NKAIN2: variants seen among roughly 807,000 people sequenced by gnomAD.
The protein encoded by NKAIN2 is sodium/potassium-transporting ATPase subunit beta-1-interacting protein 2.
NKAIN2 carries 14 observed loss-of-function variants against 32.6 expected under a neutral mutation model. The observed-to-expected ratio is 0.43, with a 90% CI of 0.28 to 0.67. The LOEUF is 0.67. Among genes scored for constraint, NKAIN2 ranks in the 30% least tolerant of loss-of-function variants. The pLI is 0.17. For synonymous variants in NKAIN2, 80 were observed against 87.2 expected (o/e 0.92, Z 0.46); for missense variants, 198 against 258.3 (o/e 0.77, Z 1.60).
intron 3 of NKAIN2, among the ~76,000 whole-genome samples, chr6:124,601,766 G>A (rs1782315849): frequency 6.6e-6 from 1 of 151,958 alleles, no homozygotes; most frequent in South Asian, 2.1e-4. Flanking sequence ...GAAAAATGAA[G>A]AAATTCCAGT....
chr6:123,979,213 T>C (rs1778781341), intron 1 of NKAIN2, among the ~76,000 whole-genome samples: 2 of 152,172 alleles, frequency 1.3e-5, no homozygotes, highest in Admixed American at 6.5e-5. Flanking sequence ...TATATAATTT[T>C]TAAAGAAATA....
At chr6:124,703,286 C>A (rs190247293) in intron 4 of NKAIN2, among the ~76,000 whole-genome samples, 1 of 151,124 alleles carries the variant, frequency 6.6e-6, no homozygotes, top group African/African-American at 2.4e-5. Context: ...AAAAAAACAA[C>A]AAAAAAACAA....
chr6:124,135,081 A>G (rs1199331486), intron 1 of NKAIN2, among the ~76,000 whole-genome samples: 1 of 152,152 alleles, frequency 6.6e-6, no homozygotes, highest in Non-Finnish European at 1.5e-5. Context: ...ATGCTGAGAG[A>G]ATTCGCCACT....
intron 3 of NKAIN2, among the ~76,000 whole-genome samples, chr6:124,434,327 T>A (rs1775345776): frequency 6.6e-6 from 1 of 152,148 alleles, no homozygotes; most frequent in African/African-American, 2.4e-5. Context: ...GGTTATTTTT[T>A]AAAAAAGACA....
chr6:124,394,539 TAGAC>T (rs1420482254), intron 3 of NKAIN2, among the ~76,000 whole-genome samples: 1 of 150,806 alleles, frequency 6.6e-6, no homozygotes, highest in African/African-American at 2.4e-5. Flanking sequence ...GATAGATACA[TAGAC>T]AGTATAAGAA....
chr6:123,888,640 G>A (rs1245575532), intron 1 of NKAIN2, among the ~76,000 whole-genome samples: 1 of 151,926 alleles, frequency 6.6e-6, no homozygotes, highest in Non-Finnish European at 1.5e-5. Context: ...TTAAATTTAA[G>A]AATATATTCC....
chr6:124,555,703 C>T (rs1316980501), intron 3 of NKAIN2, among the ~76,000 whole-genome samples: 2 of 152,106 alleles, frequency 1.3e-5, no homozygotes, highest in Admixed American at 1.3e-4. Flanking sequence ...AAGACAAATA[C>T]AGTAAAATAC....
chr6:124,726,483 C>T lies in NKAIN2; in HGVS notation c.475-64856C>T, dbSNP rs13204399. ...CACACGGCAGGGTATTCCAACAGAC[C>T]TGCAGCTGAGGGTCCTGCTGTTAGA... On this transcript the variant is annotated intron_variant, in intron 4 of 6. Coordinates refer to ENST00000368417, the MANE Select transcript of NKAIN2 (RefSeq NM_001040214.3). 9.3e-3 allele frequency among the ~76,000 whole-genome samples: 1,399 copies of T among 151,006 alleles called. 9 individuals are homozygous for T. Among genetic ancestry groups the T allele is most frequent in the Non-Finnish European group, 0.014 (966 of 67,762 alleles).
intron 3 of NKAIN2, among the ~76,000 whole-genome samples, chr6:124,616,829 G>C (rs895321225): frequency 6.6e-6 from 1 of 151,662 alleles, no homozygotes; most frequent in Non-Finnish European, 1.5e-5. Context: ...TTGCCATCCC[G>C]CATAGCACTG....
intron 1 of NKAIN2, among the ~76,000 whole-genome samples, chr6:124,068,576 T>C (rs1215174291): frequency 6.6e-6 from 1 of 151,896 alleles, no homozygotes; most frequent in Non-Finnish European, 1.5e-5. Flanking sequence ...TCCAGACATG[T>C]GCATGTTCCA....
intron 1 of NKAIN2, among the ~76,000 whole-genome samples, chr6:124,253,680 T>C (rs1024458973): frequency 6.6e-6 from 1 of 152,168 alleles, no homozygotes; most frequent in Non-Finnish European, 1.5e-5. Flanking sequence ...AAAATTTGCA[T>C]GGTGAACCAT....
At chr6:124,208,800 CTTTA>C (rs1350240958) in intron 1 of NKAIN2, among the ~76,000 whole-genome samples, 2 of 150,922 alleles carry the variant, frequency 1.3e-5, no homozygotes, top group South Asian at 4.2e-4. Flanking sequence ...TTTTTCTATG[CTTTA>C]TTTATTTAAA....
At chr6:123,816,789 G>C (rs1395636343) in intron 1 of NKAIN2, among the ~76,000 whole-genome samples, 4 of 152,178 alleles carry the variant, frequency 2.6e-5, no homozygotes, top group African/African-American at 9.7e-5. Flanking sequence ...GTGGTGGTAA[G>C]AGACAAGAAC....
Position 123,804,096 on chromosome 6 carries a change from C to A in NKAIN2, c.-105C>A. 9.8e-7 allele frequency: 1 copy of A among 1,022,638 alleles called. No individual in the cohort carries two copies. Among genetic ancestry groups the A allele is most frequent in the South Asian group, 1.3e-5 (1 of 79,066 alleles). 63.3% of individuals were successfully genotyped at this position (1,022,638 alleles called of 1,614,324 possible). ...CAGCAGCAGCCCGGAGCCCCCGAGCCCTCGGCAGGTTTGCGTGTCCTTCCC... is the reference window on the plus strand; with the variant it reads ...CAGCAGCAGCCCGGAGCCCCCGAGCACTCGGCAGGTTTGCGTGTCCTTCCC... On this transcript the variant is annotated 5_prime_UTR_variant, in exon 1 of 7. Coordinates refer to ENST00000368417, the MANE Select transcript of NKAIN2 (RefSeq NM_001040214.3).
At chr6:124,114,240 T>C in intron 1 of NKAIN2, among the ~76,000 whole-genome samples, 1 of 152,246 alleles carries the variant, frequency 6.6e-6, no homozygotes, top group Non-Finnish European at 1.5e-5. Flanking sequence ...TCTGGATTTA[T>C]TTTTTATGGA....
chr6:123,812,304 A>G (rs776547492), intron 1 of NKAIN2, among the ~76,000 whole-genome samples: 13 of 152,212 alleles, frequency 8.5e-5, no homozygotes, highest in Non-Finnish European at 1.2e-4. Flanking sequence ...TGCCTACACA[A>G]TATTTAAAGG....
intron 1 of NKAIN2, among the ~76,000 whole-genome samples, chr6:123,893,852 G>A (rs1357562854): frequency 1.3e-5 from 2 of 152,162 alleles, no homozygotes; most frequent in African/African-American, 4.8e-5. Flanking sequence ...TTTGGCCAGG[G>A]CCTCAGTTCA....
chr6:124,000,201 T>C (rs964606590), intron 1 of NKAIN2, among the ~76,000 whole-genome samples: 21 of 152,098 alleles, frequency 1.4e-4, no homozygotes, highest in Non-Finnish European at 7.4e-5. Flanking sequence ...GAATAACTCC[T>C]ATATTCTTAA....
intron 3 of NKAIN2, among the ~76,000 whole-genome samples, chr6:124,550,420 C>T (rs1780245246): frequency 6.6e-6 from 1 of 151,116 alleles, no homozygotes; most frequent in African/African-American, 2.4e-5. Context: ...TATACATTTC[C>T]TTACTTTCTG....
Sources: allele counts gnomAD v4.1 joint callset (sites outside exome capture counted in the v4.1 genomes callset), GRCh38; gene constraint gnomAD v4.1.1; transcripts MANE v1.5; gene names NCBI Gene and HGNC (gene_info 2026-07-23, HGNC 2026-07-21).